Variants in DYNLT2B observed in about 807,000 individuals in gnomAD.
DYNLT2B encodes the protein dynein light chain Tctex-type protein 2B.
A neutral mutation model predicts 19.5 loss-of-function variants in DYNLT2B; 14 were observed. That is an observed-to-expected ratio of 0.72 (90% CI 0.47 to 1.12). The LOEUF (loss-of-function observed/expected upper bound fraction) is 1.12. DYNLT2B is among the 50% of genes most tolerant of loss of function. DYNLT2B has a pLI of 0.00. For synonymous variants in DYNLT2B, 70 were observed against 59.7 expected (o/e 1.17, Z -0.79); for missense variants, 133 against 174.7 (o/e 0.76, Z 1.35).
intron 2 of DYNLT2B, among the ~76,000 whole-genome samples, chr3:196,313,969 T>G (rs1474059733): frequency 6.6e-6 from 1 of 151,470 alleles, no homozygotes; most frequent in African/African-American, 2.4e-5. Context: ...ATGGTGGCAC[T>G]TGCCTGTAAT....
At position 196,317,044 on chromosome 3, in the gene DYNLT2B, GT is replaced by G. The variant is rs1448051125; in HGVS notation, c.114-814del. Among the ~76,000 whole-genome samples, 38 of 99,938 alleles carry G rather than the reference GT, an allele frequency of 3.8e-4. No individual in the cohort carries two copies. The South Asian group carries it at 8.8e-3, about 23-fold the overall frequency. The allele number at this position is 99,938 out of a possible 152,430, so 65.6% of individuals were successfully genotyped here. On this transcript the variant is annotated intron_variant, in intron 1 of 4. Transcript: ENST00000325318. The stretch of plus-strand genomic sequence containing the variant: ...TCAGTGTGTGTGTGTGTGTGTGTGT[GT>G]TGTGTGGTGTGTGTGTGGTGTGTGT...
intron 3 of DYNLT2B, among the ~76,000 whole-genome samples, chr3:196,304,969 C>G (rs372690320): frequency 1.3e-5 from 2 of 152,126 alleles, no homozygotes; most frequent in East Asian, 1.9e-4. Flanking sequence ...GCAGTCTCAA[C>G]CTTCCTGGGC....
intron 2 of DYNLT2B, among the ~76,000 whole-genome samples, chr3:196,315,702 G>A (rs894151547): frequency 4.6e-5 from 7 of 152,000 alleles, no homozygotes; most frequent in East Asian, 2.0e-4. Flanking sequence ...GAGAAACCCC[G>A]TCTCTACTAA....
chr3:196,303,805 T>C lies in DYNLT2B; in HGVS notation c.317+3138A>G, dbSNP rs138363599. On this transcript the variant is annotated intron_variant, in intron 3 of 4. Transcript: ENST00000325318. ...GAAATCAGAACAAAGCTTTATTTGA[T>C]AACACTGTATCAATATTGTTTCATT... Among the ~76,000 whole-genome samples the C allele has an allele frequency of 2.3e-3, 356 of 152,346 alleles. 2 individuals are homozygous for C. Among genetic ancestry groups the C allele is most frequent in the African/African-American group, 8.2e-3 (339 of 41,584 alleles).
Position 196,316,144 on chromosome 3 carries a change from A to G in DYNLT2B, c.201T>C (p.Pro67=), listed in dbSNP as rs1422729299. Residue 67 remains proline (P), a synonymous_variant, in exon 2 of 5, where the codon CCT becomes CCC. Coordinates refer to ENST00000325318, the MANE Select transcript of DYNLT2B (RefSeq NM_152773.5). ...ANAEYSPEEM[P]QLTKHLSENI... is the part of the protein sequence containing the mutation. ...TTTCTGATAAATGTTTTGTAAGCTG[A>G]GGCATTTCTTCTGGAGAATATTCAG... 5.0e-6 allele frequency: 8 copies of G among 1,613,682 alleles called. No individual in the cohort carries two copies. Among genetic ancestry groups the G allele is most frequent in the African/African-American group, 1.3e-5 (1 of 74,918 alleles).
rs576693140 is a variant in DYNLT2B, at chr3:196,294,212, G to A, written c.381+1794C>T. 1.2e-4 allele frequency among the ~76,000 whole-genome samples: 18 copies of A among 152,186 alleles called. No individual in the cohort carries two copies. The South Asian group carries it at 3.7e-3, about 32-fold the overall frequency. Reference sequence around the variant, plus strand: ...ACTAAAATTACAAAATTAGCCAGGTGTGGTGGTGCATGCCTGTAATCCCAG... The same window carrying A: ...ACTAAAATTACAAAATTAGCCAGGTATGGTGGTGCATGCCTGTAATCCCAG... On this transcript the variant is annotated intron_variant, in intron 4 of 4. Transcript: ENST00000325318.
chr3:196,309,947 C>CAA (rs113938332), intron 2 of DYNLT2B, among the ~76,000 whole-genome samples: 9,209 of 129,564 alleles, frequency 0.071, 335 homozygotes, highest in Middle Eastern at 0.14. Flanking sequence ...AAACTCAGTC[C>CAA]AAAAAAAAAA....
intron 4 of DYNLT2B, among the ~76,000 whole-genome samples, chr3:196,294,338 A>G (rs1374326324): frequency 1.3e-5 from 2 of 152,166 alleles, no homozygotes; most frequent in Non-Finnish European, 2.9e-5. Context: ...CAAGAGCAAA[A>G]TTCTGTCTCA....
At chr3:196,316,353 T>C in intron 1 of DYNLT2B, 122 bp from the exon 2 acceptor site, 1 of 1,024,452 alleles carries the variant, frequency 9.8e-7, no homozygotes, top group East Asian at 2.9e-5. Flanking sequence ...TCATATTTTT[T>C]ATTATAAAAT....
At chr3:196,302,983 T>C (rs575758421) in intron 3 of DYNLT2B, among the ~76,000 whole-genome samples, 1 of 152,002 alleles carries the variant, frequency 6.6e-6, no homozygotes, top group African/African-American at 2.4e-5. Context: ...TTAGAAATGA[T>C]GGTTTAGGAG....
At chr3:196,291,610 C>T (rs1247612020) in intron 4 of DYNLT2B, among the ~76,000 whole-genome samples, 1 of 152,162 alleles carries the variant, frequency 6.6e-6, no homozygotes, top group Non-Finnish European at 1.5e-5. Context: ...TCCAGAGTAG[C>T]TAGGACCACA....
At chr3:196,311,512 C>T (rs1056223521) in intron 2 of DYNLT2B, among the ~76,000 whole-genome samples, 4 of 151,400 alleles carry the variant, frequency 2.6e-5, no homozygotes, top group Non-Finnish European at 4.4e-5. Flanking sequence ...AAGGAAGTAA[C>T]GAATGGAATA....
chr3:196,293,054 A>T (rs891739111), intron 4 of DYNLT2B, among the ~76,000 whole-genome samples: 1 of 152,054 alleles, frequency 6.6e-6, no homozygotes, highest in Non-Finnish European at 1.5e-5. Flanking sequence ...GGGTTTCACC[A>T]TGTTGGCCAG....
Position 196,296,081 on chromosome 3 carries a change from A to G in DYNLT2B, c.318-12T>C, listed in dbSNP as rs767692322. 5.0e-5 allele frequency: 80 copies of G among 1,612,502 alleles called. 4 individuals carry two copies. In the South Asian group the frequency reaches 8.7e-4, roughly 17 times the overall value. On this transcript the variant is annotated splice_polypyrimidine_tract_variant and intron_variant, in intron 3 of 4. Coordinates refer to ENST00000325318, the MANE Select transcript of DYNLT2B (RefSeq NM_152773.5). ...AGCGAGAAGCCATGCTAAAAAATCC[A>G]AGAATGAAGAATTATCAACAATCTA... is the stretch of plus-strand genomic sequence containing the variant.
In DYNLT2B at chr3:196,318,192, C is replaced by T. The variant is rs555279962; in HGVS notation, c.-40G>A. 8 of 1,279,364 alleles carry T rather than the reference C, an allele frequency of 6.3e-6. No individual in the cohort carries two copies. In the East Asian group the frequency reaches 1.5e-4, roughly 24 times the overall value. 79.3% of individuals were successfully genotyped at this position (1,279,364 alleles called of 1,614,324 possible). A position where few individuals can be genotyped will look rare whatever the true frequency, so the allele number is the denominator to read the frequency against. On this transcript the variant is annotated 5_prime_UTR_variant, in exon 1 of 5. Transcript: ENST00000325318. ...GTCCGGGCGTAGCTCGCGATGAAGG[C>T]CTAGCGGGTTGCGGTCGCGGCCGGC...
chr3:196,294,118 G>A lies in DYNLT2B; in HGVS notation c.381+1888C>T, dbSNP rs148025668. On this transcript the variant is annotated intron_variant, in intron 4 of 4. Coordinates refer to ENST00000325318, the MANE Select transcript of DYNLT2B (RefSeq NM_152773.5). Reference sequence around the variant, plus strand: ...TATAATCCCAGAACTCTGGGAGGCCGAGGCGGGCCGATCACCTGAGGTCGG... The same window carrying A: ...TATAATCCCAGAACTCTGGGAGGCCAAGGCGGGCCGATCACCTGAGGTCGG... 4.4e-3 allele frequency among the ~76,000 whole-genome samples: 672 copies of A among 152,034 alleles called. 16 individuals carry two copies. In the South Asian group the frequency reaches 0.071, roughly 16 times the overall value.
intron 3 of DYNLT2B, among the ~76,000 whole-genome samples, chr3:196,296,965 G>A (rs1017214449): frequency 2.0e-5 from 3 of 148,284 alleles, no homozygotes; most frequent in East Asian, 2.0e-4. Flanking sequence ...AGGCCAAGGC[G>A]GGCAGATCAC....
At chr3:196,304,001 C>T (rs147372970) in intron 3 of DYNLT2B, among the ~76,000 whole-genome samples, 1,538 of 152,078 alleles carry the variant, frequency 0.01, 22 homozygotes, top group African/African-American at 0.034. Context: ...CCAGCGTGGG[C>T]GACAGAGCAA....
At chr3:196,316,255 T>A (rs1195351303) in intron 1 of DYNLT2B, 24 bp from the exon 2 acceptor site, 1 of 1,592,376 alleles carries the variant, frequency 6.3e-7, no homozygotes, top group Non-Finnish European at 8.6e-7. Context: ...TTTGTGAACA[T>A]CCAGTCGGTG....
Sources: allele counts gnomAD v4.1 joint callset (sites outside exome capture counted in the v4.1 genomes callset), GRCh38; gene constraint gnomAD v4.1.1; transcripts MANE v1.5; gene names NCBI Gene and HGNC (gene_info 2026-07-23, HGNC 2026-07-21).